Variants in ZNF133 observed in about 807,000 individuals in gnomAD.
ZNF133 encodes the protein zinc finger protein 133 (clone pHZ-13).
Under a neutral mutation model 54.9 loss-of-function variants are expected in ZNF133, and 26 were observed. That is an observed-to-expected ratio of 0.47 (90% confidence interval 0.35 to 0.66). ZNF133 has a LOEUF of 0.66. Among genes scored for constraint, ZNF133 ranks in the 30% least tolerant of loss-of-function variants. ZNF133 has a pLI of 0.01. For missense variants in ZNF133, 653 were observed against 820.8 expected (o/e 0.80, Z 2.50); for synonymous variants, 298 against 320.3 (o/e 0.93, Z 0.74).
In ZNF133 at chr20:18,316,276, C is replaced by T. The variant is rs2047449458; in HGVS notation, c.1425C>T (p.Phe475=). The T allele has an allele frequency of 6.2e-7, 1 of 1,612,444 alleles. No individual in the cohort carries two copies. Among genetic ancestry groups the T allele is most frequent in the Non-Finnish European group, 8.5e-7 (1 of 1,179,288 alleles). ...PIVCKDCGRG[F]SQQSNLIRHQ... Reference sequence around the variant, plus strand: ...TGTGCAAGGACTGTGGCCGGGGCTTCAGCCAGCAATCCAACCTCATCAGAC... The same window carrying T: ...TGTGCAAGGACTGTGGCCGGGGCTTTAGCCAGCAATCCAACCTCATCAGAC... The change falls in exon 7 of 7, where the codon TTC becomes TTT. Residue 475 remains phenylalanine, a synonymous_variant. Transcript: ENST00000425686.
At chr20:18,306,649 A>T in intron 6 of ZNF133, 2 of 1,199,168 alleles carry the variant, frequency 1.7e-6, no homozygotes, top group Non-Finnish European at 1.1e-6. Context: ...TCTCTAGCTC[A>T]CTCAGTTCTC....
At chr20:18,299,771 C>T (rs997757109) in intron 3 of ZNF133, among the ~76,000 whole-genome samples, 3 of 152,116 alleles carry the variant, frequency 2.0e-5, no homozygotes, top group East Asian at 3.8e-4. Context: ...TCGGGCCAGA[C>T]GTCAGTGGGT....
intron 2 of ZNF133, 96 bp from the exon 3 acceptor site, chr20:18,298,193 C>T (rs2042621809): frequency 6.6e-7 from 1 of 1,512,070 alleles, no homozygotes; most frequent in African/African-American, 1.4e-5. Context: ...GCCTCAGCAT[C>T]ACTTTCTGCA....
At chr20:18,310,548 T>A (rs550827625) in intron 6 of ZNF133, among the ~76,000 whole-genome samples, 17 of 152,278 alleles carry the variant, frequency 1.1e-4, no homozygotes, top group South Asian at 4.1e-4. Flanking sequence ...TACCACACAA[T>A]CTTACTTATA....
At chr20:18,290,404 GT>G (rs1442089479) in intron 1 of ZNF133, among the ~76,000 whole-genome samples, 18 of 152,112 alleles carry the variant, frequency 1.2e-4, no homozygotes, top group African/African-American at 4.1e-4. Flanking sequence ...CCCTGCTAGA[GT>G]TTTGGCAGCA....
intron 1 of ZNF133, among the ~76,000 whole-genome samples, chr20:18,292,160 T>C (rs1014903289): frequency 5.9e-5 from 9 of 152,222 alleles, no homozygotes; most frequent in African/African-American, 1.7e-4. Flanking sequence ...TGGACGATCA[T>C]AGCCTTTCAG....
intron 6 of ZNF133, 134 bp downstream of exon 6, chr20:18,306,527 A>G: frequency 1.0e-6 from 1 of 963,756 alleles, no homozygotes; most frequent in South Asian, 1.7e-5. Flanking sequence ...AGATTGCCTG[A>G]CACGGCCTCC....
chr20:18,309,673 G>C (rs978022921), intron 6 of ZNF133, among the ~76,000 whole-genome samples: 8 of 152,210 alleles, frequency 5.3e-5, no homozygotes, highest in African/African-American at 1.2e-4. Flanking sequence ...GGTGTGGAGA[G>C]GATGTGAGGC....
intron 6 of ZNF133, 60 bp downstream of exon 6, chr20:18,306,453 AGAG>A: frequency 6.5e-7 from 1 of 1,538,968 alleles, no homozygotes; most frequent in Non-Finnish European, 8.9e-7. Flanking sequence ...GGACTGGGGG[AGAG>A]GAGGCGTTGC....
At position 18,315,763 on chromosome 20, in the gene ZNF133, G is replaced by C; in HGVS notation, c.912G>C (p.Gly304=). 3.7e-6 allele frequency: 6 copies of C among 1,614,086 alleles called. No individual in the cohort carries two copies. The highest frequency in any genetic ancestry group is 5.1e-6 in the Non-Finnish European group (6 of 1,180,002). The change falls in exon 7 of 7, where the codon GGG becomes GGC. Residue 304 remains glycine, a synonymous_variant. Coordinates refer to ENST00000425686, the MANE Select transcript of ZNF133 (RefSeq NM_001352452.2). The part of the protein sequence containing the change: ...GEKPYMCSEC[G]RGFSQKSNLI... ...AACCTTACATGTGCAGTGAGTGTGG[G>C]CGAGGCTTCAGCCAGAAGTCAAACC...
chr20:18,302,763 C>T (rs1374195010), intron 3 of ZNF133, among the ~76,000 whole-genome samples: 1 of 152,140 alleles, frequency 6.6e-6, no homozygotes, highest in Non-Finnish European at 1.5e-5. Flanking sequence ...TTGCAGGTGG[C>T]GTGATCTTAA....
rs1428123164 is a variant in ZNF133 at position 18,316,454 on chromosome 20, G to C, written c.1603G>C (p.Ala535Pro). 6.2e-7 allele frequency: 1 copy of C among 1,613,968 alleles called. No individual in the cohort carries two copies. The highest frequency in any genetic ancestry group is 8.5e-7 in the Non-Finnish European group (1 of 1,180,032). The change falls in exon 7 of 7, where the codon GCC becomes CCC. Residue 535 changes from alanine to proline, a missense_variant. Transcript: ENST00000425686. ...GTGCGGGCGAGGCTTTAGCCACCAG[G>C]CCGGTCTCATCAGGCACAAGCGGAA... ...RECGRGFSHQ[A>P]GLIRHKRKHS... is the part of the protein sequence containing the mutation.
chr20:18,311,800 T>A (rs949892205), intron 6 of ZNF133, among the ~76,000 whole-genome samples: 1 of 152,256 alleles, frequency 6.6e-6, no homozygotes, highest in African/African-American at 2.4e-5. Flanking sequence ...TTCTGGTATT[T>A]ACTTTGAGTA....
intron 5 of ZNF133, 92 bp from the exon 6 acceptor site, chr20:18,306,206 C>G (rs1057459678): frequency 8.8e-6 from 11 of 1,244,850 alleles, no homozygotes; most frequent in Non-Finnish European, 1.2e-5. Flanking sequence ...CTTTGTACTA[C>G]CTTTGAAGTT....
intron 6 of ZNF133, among the ~76,000 whole-genome samples, chr20:18,312,375 C>T (rs1172229051): frequency 6.6e-6 from 1 of 152,162 alleles, no homozygotes; most frequent in Non-Finnish European, 1.5e-5. Context: ...ATATCAGAAC[C>T]AAGTTTTATA....
chr20:18,310,186 C>T, intron 6 of ZNF133: 1 of 1,380,434 alleles, frequency 7.2e-7, no homozygotes, highest in Non-Finnish European at 9.3e-7. Context: ...GCAGCTCTTA[C>T]AATGATGTTG....
Position 18,316,859 on chromosome 20 carries a change from CTT to C in ZNF133, c.*45_*46del, listed in dbSNP as rs770641995. On this transcript the variant is annotated 3_prime_UTR_variant, in exon 7 of 7. Coordinates refer to ENST00000425686, the MANE Select transcript of ZNF133 (RefSeq NM_001352452.2). ...AGGACTAAGAGTCAGAATGTTGACA[CTT>C]TGATGAAATGGAGTAGAGAAATGCA... 7.1e-6 allele frequency: 11 copies of C among 1,541,380 alleles called. No homozygotes were observed. In the South Asian group the frequency reaches 1.4e-4, roughly 19 times the overall value.
intron 3 of ZNF133, among the ~76,000 whole-genome samples, chr20:18,301,712 G>T (rs1015492366): frequency 5.3e-5 from 8 of 152,112 alleles, no homozygotes; most frequent in South Asian, 2.1e-4. Context: ...TGAATCATAA[G>T]AAATCAAAAT....
At chr20:18,295,139 A>C (rs912278286) in intron 1 of ZNF133, 1 of 152,202 alleles carries the variant, frequency 6.6e-6, no homozygotes, top group Non-Finnish European at 1.5e-5. Context: ...TATTTATATA[A>C]AGGTCTGCAA....
Sources: gnomAD v4.1 joint callset for allele counts (sites outside exome capture counted in the v4.1 genomes callset) on GRCh38, gnomAD v4.1.1 for gene constraint, MANE v1.5 for transcripts, NCBI Gene and HGNC (gene_info 2026-07-23, HGNC 2026-07-21) for gene names.